The following CDON variants were observed in gnomAD, a reference collection of about 807,000 sequenced individuals.
The protein encoded by CDON is cell adhesion associated, oncogene regulated.
In CDON, 73 loss-of-function variants were observed where a neutral mutation model predicts 120.9. That is an observed-to-expected ratio of 0.60 (90% CI 0.50 to 0.73). The LOEUF (loss-of-function observed/expected upper bound fraction) is 0.73. Among genes scored for constraint, CDON ranks in the 30% least tolerant of loss-of-function variants. The pLI, the probability that CDON is intolerant of heterozygous loss-of-function variation, is 0.00. For missense variants in CDON, 1,470 were observed against 1,587.3 expected (o/e 0.93, Z 1.26); for synonymous variants, 566 against 573.5 (o/e 0.99, Z 0.19).
At chr11:125,998,627 C>T (rs1362171307) in intron 11 of CDON, among the ~76,000 whole-genome samples, 2 of 152,192 alleles carry the variant, frequency 1.3e-5, no homozygotes, top group African/African-American at 4.8e-5. Context: ...GCAACACAAA[C>T]AGGCTAACAC....
intron 1 of CDON, among the ~76,000 whole-genome samples, chr11:126,041,709 A>T (rs1227692052): frequency 2.6e-5 from 4 of 152,246 alleles, no homozygotes; most frequent in Non-Finnish European, 5.9e-5. Context: ...CCATCAGGTC[A>T]ATCTATCCCG....
Position 126,021,261 on chromosome 11 carries a change from T to G in CDON, c.336A>C (p.Thr112=). The G allele has an allele frequency of 1.2e-6, 2 of 1,614,044 alleles. No individual in the cohort carries two copies. The highest frequency in any genetic ancestry group is 1.7e-6 in the Non-Finnish European group (2 of 1,179,976). ...SIGAIVSGPA[T]VSVAVLGDFG... Reference sequence around the variant, plus strand: ...AATTAAACTCACCTGCCACAGATACTGTCGCAGGGCCACTCACAATGGCAC... The same window carrying G: ...AATTAAACTCACCTGCCACAGATACGGTCGCAGGGCCACTCACAATGGCAC... The change falls in exon 3 of 20, where the codon ACA becomes ACC. Residue 112 remains threonine, a synonymous_variant. Transcript: ENST00000531738.
At chr11:126,057,485 A>G (rs1948707800) in intron 1 of CDON, among the ~76,000 whole-genome samples, 1 of 152,238 alleles carries the variant, frequency 6.6e-6, no homozygotes, top group African/African-American at 2.4e-5. Flanking sequence ...ACAGTTCACG[A>G]ACAGGCAAAA....
chr11:126,018,348 G>T lies in CDON; in HGVS notation c.622C>A (p.Arg208=). 6.2e-7 allele frequency: 1 copy of T among 1,613,820 alleles called. No homozygotes were observed. Among genetic ancestry groups the T allele is most frequent in the Non-Finnish European group, 8.5e-7 (1 of 1,179,914 alleles). ...THQLKVEPIG[R]KLLVSRPSSD... ...TACTTACGACTCACAAGGAGCTTTC[G>T]GCCAATAGGTTCAACTTTTAATTGA... is the stretch of plus-strand genomic sequence containing the variant. The change falls in exon 5 of 20, where the codon CGA becomes AGA. Residue 208 remains arginine (R), a synonymous_variant. Coordinates refer to ENST00000531738, the MANE Select transcript of CDON (RefSeq NM_001378964.1).
chr11:125,960,667 G>A lies in CDON; in HGVS notation c.*275C>T, dbSNP rs1004712486. The stretch of plus-strand genomic sequence containing the variant: ...GTCACTATAGCTGTTAGAAAACATG[G>A]AAGGACCCCTCTGCCCTCCAGGTGA... On this transcript the variant is annotated 3_prime_UTR_variant, in exon 20 of 20. Transcript: ENST00000531738. 6 of 444,882 alleles carry A rather than the reference G, an allele frequency of 1.3e-5. No individual in the cohort carries two copies. The highest frequency in any genetic ancestry group is 2.1e-5 in the Non-Finnish European group (5 of 243,038). The allele number at this position is 444,882 out of a possible 1,614,324, so 27.6% of individuals were successfully genotyped here.
chr11:126,045,060 C>G (rs11220323), intron 1 of CDON, among the ~76,000 whole-genome samples: 1 of 152,116 alleles, frequency 6.6e-6, no homozygotes, highest in East Asian at 1.9e-4. Context: ...GAGTCTTGCT[C>G]CGTCGCCCAG....
intron 14 of CDON, among the ~76,000 whole-genome samples, chr11:125,994,067 T>A (rs1440328055): frequency 6.6e-6 from 1 of 152,242 alleles, no homozygotes; most frequent in Non-Finnish European, 1.5e-5. Context: ...TTAATCATAT[T>A]TCCCCCAAAT....
intron 17 of CDON, 110 bp from the exon 18 acceptor site, chr11:125,978,493 A>C: frequency 1.4e-6 from 1 of 731,372 alleles, no homozygotes. Flanking sequence ...TCAACCATAA[A>C]TGGGCACACA....
intron 1 of CDON, among the ~76,000 whole-genome samples, chr11:126,060,175 G>A (rs1591443768): frequency 1.3e-5 from 2 of 152,120 alleles, no homozygotes; most frequent in African/African-American, 2.4e-5. Context: ...TCAAGTTCAC[G>A]AAATTTCTTG....
intron 1 of CDON, among the ~76,000 whole-genome samples, chr11:126,052,081 C>T (rs1354062942): frequency 6.6e-6 from 1 of 151,406 alleles, no homozygotes; most frequent in Admixed American, 6.6e-5. Flanking sequence ...CTTTAGTTAG[C>T]CATGGGATTA....
chr11:126,058,034 A>C (rs1322813802), intron 1 of CDON, among the ~76,000 whole-genome samples: 1 of 152,240 alleles, frequency 6.6e-6, no homozygotes, highest in Admixed American at 6.5e-5. Context: ...AAATAACAAG[A>C]AGTGAGCTGG....
intron 7 of CDON, among the ~76,000 whole-genome samples, chr11:126,014,075 T>C (rs572762245): frequency 2.6e-5 from 4 of 152,278 alleles, no homozygotes; most frequent in Non-Finnish European, 5.9e-5. Context: ...TTTTTAAAAA[T>C]TGTTTTCATT....
chr11:126,041,303 TA>T (rs1318732288), intron 1 of CDON, among the ~76,000 whole-genome samples: 1 of 151,016 alleles, frequency 6.6e-6, no homozygotes, highest in Admixed American at 6.6e-5. Flanking sequence ...TGTTCACAAA[TA>T]GAAATGACTT....
chr11:125,968,367 G>A (rs1191072763), intron 18 of CDON, among the ~76,000 whole-genome samples: 1 of 152,152 alleles, frequency 6.6e-6, no homozygotes, highest in Non-Finnish European at 1.5e-5. Flanking sequence ...TCTAAAGGCA[G>A]ACTAATAGTT....
Position 125,956,896 on chromosome 11 carries a change from G to A in CDON, c.*4046C>T. On this transcript the variant is annotated 3_prime_UTR_variant, in exon 20 of 20. Coordinates refer to ENST00000531738, the MANE Select transcript of CDON (RefSeq NM_001378964.1). Reference sequence around the variant, plus strand: ...TCAAAGCTCTCAGGACTGGGGCTAGGGTTTAAGGAAGGCTTATTTAAATAT... The same window carrying A: ...TCAAAGCTCTCAGGACTGGGGCTAGAGTTTAAGGAAGGCTTATTTAAATAT... 2.1e-6 allele frequency: 2 copies of A among 972,876 alleles called. No homozygotes were observed. Among genetic ancestry groups the A allele is most frequent in the African/African-American group, 1.8e-5 (1 of 57,080 alleles). 60.3% of individuals were successfully genotyped at this position (972,876 alleles called of 1,614,324 possible).
chr11:126,028,330 G>T (rs1047645420), intron 1 of CDON, among the ~76,000 whole-genome samples: 20 of 151,732 alleles, frequency 1.3e-4, no homozygotes, highest in Non-Finnish European at 2.9e-5. Flanking sequence ...GGTTTTAAAT[G>T]CTTTAATTTA....
chr11:125,965,003 T>C (rs952288876), intron 18 of CDON, among the ~76,000 whole-genome samples: 2 of 152,194 alleles, frequency 1.3e-5, no homozygotes, highest in African/African-American at 4.8e-5. Context: ...CTCAGTTCAC[T>C]GCAACCTCCG....
At position 125,985,437 on chromosome 11, in the gene CDON, C is replaced by T. The variant is rs183624653; in HGVS notation, c.2774-1344G>A. Among the ~76,000 whole-genome samples, 1,023 of 152,310 alleles carry T rather than the reference C, an allele frequency of 6.7e-3. 18 individuals carry two copies. The highest frequency in any genetic ancestry group is 0.024 in the African/African-American group (986 of 41,560). Reference sequence around the variant, plus strand: ...TCAAGTGATCCGCCCGCCTTGGCCTCTCAAAGTGCTAGGATTACAGGCGTA... The same window carrying T: ...TCAAGTGATCCGCCCGCCTTGGCCTTTCAAAGTGCTAGGATTACAGGCGTA... On this transcript the variant is annotated intron_variant, in intron 15 of 19. Transcript: ENST00000531738.
chr11:125,981,272 T>G lies in CDON; in HGVS notation c.3053A>C (p.Asp1018Ala). The G allele has an allele frequency of 2.5e-6, 4 of 1,614,062 alleles. No homozygotes were observed. The highest frequency in any genetic ancestry group is 3.4e-6 in the Non-Finnish European group (4 of 1,179,960). Reference protein sequence around the residue: ...QGSDMNGQMVDYTTLSGASQI... With the variant: ...QGSDMNGQMVAYTTLSGASQI... ...ACTTGCTCCTGAGAGAGTGGTGTAG[T>G]CCACCATCTGCCCGTTCATATCTGA... Residue 1018 changes from aspartate to alanine, a missense_variant, in exon 17 of 20, where the codon GAC becomes GCC. Physicochemically the swap from Asp to Ala is moderately radical, Grantham distance 126. Coordinates refer to ENST00000531738, the MANE Select transcript of CDON (RefSeq NM_001378964.1).
Sources: allele counts gnomAD v4.1 joint callset (sites outside exome capture counted in the v4.1 genomes callset), GRCh38; gene constraint gnomAD v4.1.1; transcripts MANE v1.5; gene names NCBI Gene and HGNC (gene_info 2026-07-23, HGNC 2026-07-21).